TMCC1: variants seen among roughly 807,000 people sequenced by gnomAD.
The protein encoded by TMCC1 is transmembrane and coiled-coil domain family 1.
Under a neutral mutation model 52.4 loss-of-function variants are expected in TMCC1, and 15 were observed. The observed-to-expected ratio is 0.29, with a 90% CI of 0.19 to 0.44. TMCC1 has a LOEUF of 0.44. Ranked by LOEUF, TMCC1 falls within the 20% of genes least tolerant of loss-of-function variation. The pLI, the probability that TMCC1 is intolerant of heterozygous loss-of-function variation, is 1.00. For missense variants in TMCC1, 503 were observed against 806.0 expected (o/e 0.62, Z 4.55); for synonymous variants, 279 against 301.9 (o/e 0.92, Z 0.79).
chr3:129,671,669 T>A (rs2108890096), intron 4 of TMCC1, among the ~76,000 whole-genome samples: 2 of 152,360 alleles, frequency 1.3e-5, no homozygotes, highest in Admixed American at 1.3e-4. Context: ...GAAAACCCTT[T>A]TGGTGTTCAG....
At chr3:129,753,202 T>G (rs1368744252) in intron 4 of TMCC1, among the ~76,000 whole-genome samples, 1 of 152,192 alleles carries the variant, frequency 6.6e-6, no homozygotes, top group Non-Finnish European at 1.5e-5. Flanking sequence ...CATCTCACAT[T>G]TTTTGTCCAA....
chr3:129,653,405 A>T (rs933539290), intron 6 of TMCC1, among the ~76,000 whole-genome samples: 4 of 152,182 alleles, frequency 2.6e-5, no homozygotes, highest in African/African-American at 9.7e-5. Context: ...TGTAAAGAGG[A>T]CACTATGCCC....
intron 4 of TMCC1, among the ~76,000 whole-genome samples, chr3:129,818,728 T>C (rs1381770176): frequency 1.3e-5 from 2 of 152,104 alleles, no homozygotes; most frequent in Non-Finnish European, 2.9e-5. Context: ...AACAAAGATA[T>C]CTGAAGGGCT....
At chr3:129,680,081 T>C (rs1000265306) in intron 4 of TMCC1, among the ~76,000 whole-genome samples, 4 of 152,216 alleles carry the variant, frequency 2.6e-5, no homozygotes, top group Non-Finnish European at 5.9e-5. Context: ...TTTAAAAAGC[T>C]TAGAGTTCAT....
chr3:129,670,554 G>A lies in TMCC1; in HGVS notation c.1287C>T (p.Gly429=), dbSNP rs746535493. The A allele has an allele frequency of 1.2e-6, 2 of 1,614,056 alleles. No homozygotes were observed. The highest frequency in any genetic ancestry group is 1.3e-5 in the African/African-American group (1 of 74,930). Residue 429 remains glycine, a synonymous_variant, in exon 5 of 7, where the codon GGC becomes GGT. Coordinates refer to ENST00000393238, the MANE Select transcript of TMCC1 (RefSeq NM_001017395.5). ...CTGTGGTGCTGTTGGCTCCCACTGA[G>A]CCTGAAGTGGCACTAGAACAATCTT... ...SEEDCSSATS[G]SVGANSTTGG... is the part of the protein sequence containing the mutation.
intron 1 of TMCC1, among the ~76,000 whole-genome samples, chr3:129,883,362 C>G (rs190493626): frequency 6.1e-4 from 92 of 151,868 alleles, no homozygotes; most frequent in Admixed American, 3.6e-3. Context: ...CCTGTAATCC[C>G]AGCACTTTGG....
chr3:129,885,509 C>G (rs917709243), intron 1 of TMCC1, among the ~76,000 whole-genome samples: 1 of 151,882 alleles, frequency 6.6e-6, no homozygotes, highest in Non-Finnish European at 1.5e-5. Context: ...TGCTTGAACC[C>G]AGGAAGCAGA....
intron 4 of TMCC1, among the ~76,000 whole-genome samples, chr3:129,729,830 C>A (rs981396541): frequency 5.9e-5 from 9 of 152,018 alleles, no homozygotes; most frequent in African/African-American, 2.2e-4. Flanking sequence ...AGGAATGAGG[C>A]CAGGCACAGT....
chr3:129,736,489 G>C (rs778749499), intron 4 of TMCC1, among the ~76,000 whole-genome samples: 15 of 151,838 alleles, frequency 9.9e-5, no homozygotes, highest in Non-Finnish European at 1.6e-4. Context: ...AAAAAATGAA[G>C]GCTGGACTAG....
At chr3:129,766,484 T>C (rs748767004) in intron 4 of TMCC1, among the ~76,000 whole-genome samples, 30 of 152,214 alleles carry the variant, frequency 2.0e-4, no homozygotes, top group Non-Finnish European at 4.1e-4. Flanking sequence ...CAAGCAAATG[T>C]AGGCTTTAAA....
At chr3:129,852,862 T>C (rs954218895) in intron 2 of TMCC1, among the ~76,000 whole-genome samples, 2 of 152,192 alleles carry the variant, frequency 1.3e-5, no homozygotes, top group Non-Finnish European at 2.9e-5. Context: ...TATTTCTGAG[T>C]AGTGAGGTAA....
At chr3:129,763,222 AT>A (rs1473882933) in intron 4 of TMCC1, among the ~76,000 whole-genome samples, 24 of 144,150 alleles carry the variant, frequency 1.7e-4, no homozygotes, top group African/African-American at 5.0e-4. Context: ...AAATAAATAA[AT>A]AAATAAATAA....
At chr3:129,739,606 T>C (rs947338455) in intron 4 of TMCC1, among the ~76,000 whole-genome samples, 3 of 152,170 alleles carry the variant, frequency 2.0e-5, no homozygotes, top group Non-Finnish European at 4.4e-5. Flanking sequence ...GGAAGAGAGA[T>C]AGTCTAGTAA....
intron 4 of TMCC1, among the ~76,000 whole-genome samples, chr3:129,679,586 G>A (rs1487698140): frequency 1.3e-5 from 2 of 152,190 alleles, no homozygotes; most frequent in African/African-American, 4.8e-5. Flanking sequence ...TTACAGGTAT[G>A]AGCCATCACG....
At chr3:129,737,196 GT>G (rs2051045953) in intron 4 of TMCC1, among the ~76,000 whole-genome samples, 1 of 152,174 alleles carries the variant, frequency 6.6e-6, no homozygotes, top group South Asian at 2.1e-4. Flanking sequence ...GCCGGGCGTG[GT>G]GGCTCACACC....
Position 129,655,037 on chromosome 3 carries a change from C to G in TMCC1, c.1578G>C (p.Leu526Phe), listed in dbSNP as rs769843168. 1 of 1,614,134 alleles carries G rather than the reference C, an allele frequency of 6.2e-7. No homozygotes were observed. Among genetic ancestry groups the G allele is most frequent in the Non-Finnish European group, 8.5e-7 (1 of 1,180,022 alleles). ...CTTCCATGCTTGCCAGTTCCTGCTTCAAGTTCAAGATTTCATTCTGGTGGA... is the reference window on the plus strand; with the variant it reads ...CTTCCATGCTTGCCAGTTCCTGCTTGAAGTTCAAGATTTCATTCTGGTGGA... Reference protein sequence around the residue: ...TELHQNEILNLKQELASMEEK... With the variant: ...TELHQNEILNFKQELASMEEK... Residue 526 changes from leucine to phenylalanine, a missense_variant, in exon 6 of 7, where the codon TTG becomes TTC. Leu to Phe is a conservative substitution (Grantham distance 22). This residue lies in a region of TMCC1 where 121 missense variants were observed against 193.6 expected (regional missense o/e 0.62). Transcript: ENST00000393238.
Position 129,771,774 on chromosome 3 carries a change from C to CAAAA in TMCC1, c.576+56025_576+56028dup, listed in dbSNP as rs755523077. Among the ~76,000 whole-genome samples the CAAAA allele has an allele frequency of 3.0e-3, 226 of 75,518 alleles. 1 individual carries two copies. Among genetic ancestry groups the CAAAA allele is most frequent in the Middle Eastern group, 0.012 (1 of 86 alleles). The allele number at this position is 75,518 out of a possible 152,430, so 49.5% of individuals were successfully genotyped here. Reference sequence around the variant, plus strand: ...TGGGCGTCAGAGCAAGACACTGTCTCAAAAAAAAAAAAAAAAAAAAAAAAA... The same window carrying CAAAA: ...TGGGCGTCAGAGCAAGACACTGTCTCAAAAAAAAAAAAAAAAAAAAAAAAAAAAA... On this transcript the variant is annotated intron_variant, in intron 4 of 6. Coordinates refer to ENST00000393238, the MANE Select transcript of TMCC1 (RefSeq NM_001017395.5).
In TMCC1 at chr3:129,861,225, G is replaced by C. The variant is rs572582714; in HGVS notation, c.-184+19084C>G. Among the ~76,000 whole-genome samples, 138 of 152,196 alleles carry C rather than the reference G, an allele frequency of 9.1e-4. 2 individuals are homozygous for C. The highest frequency in any genetic ancestry group is 4.3e-4 in the Non-Finnish European group (29 of 68,000). Reference sequence around the variant, plus strand: ...GGAGGCCGAGGCGGGCGGATCATGAGGTCAGGAGATCAAGACCATCCTGGC... The same window carrying C: ...GGAGGCCGAGGCGGGCGGATCATGACGTCAGGAGATCAAGACCATCCTGGC... On this transcript the variant is annotated intron_variant, in intron 2 of 6. Transcript: ENST00000393238.
intron 4 of TMCC1, among the ~76,000 whole-genome samples, chr3:129,752,943 C>T (rs535798268): frequency 2.0e-5 from 3 of 152,086 alleles, no homozygotes; most frequent in Non-Finnish European, 4.4e-5. Context: ...ACATGGCCAG[C>T]GGGAGAGAGA....
Sources: allele counts gnomAD v4.1 joint callset (sites outside exome capture counted in the v4.1 genomes callset), GRCh38; gene constraint gnomAD v4.1.1; regional missense constraint gnomAD v4.1.1; transcripts MANE v1.5; gene names NCBI Gene and HGNC (gene_info 2026-07-23, HGNC 2026-07-21).